NDUFB9: variants seen among roughly 807,000 people sequenced by gnomAD.
The protein encoded by NDUFB9 is NADH dehydrogenase [ubiquinone] 1 beta subcomplex subunit 9.
In NDUFB9, 24 loss-of-function variants were observed where a neutral mutation model predicts 30.2. The ratio of observed to expected loss-of-function variants is 0.80; its 90% confidence interval spans 0.58 to 1.12. The LOEUF is 1.12. Ranked by LOEUF, NDUFB9 falls within the 50% of genes most tolerant of loss-of-function variation. NDUFB9 has a pLI of 0.00. For synonymous variants in NDUFB9, 80 were observed against 84.0 expected, an observed-to-expected ratio of 0.95 and a Z score of 0.26; for missense variants, 204 against 226.0, an observed-to-expected ratio of 0.90 and a Z score of 0.62.
chr8:124,541,759 A>T (rs1822000414), intron 1 of NDUFB9, among the ~76,000 whole-genome samples: 2 of 151,934 alleles, frequency 1.3e-5, no homozygotes, highest in Non-Finnish European at 1.5e-5. Flanking sequence ...ATGCGCCACC[A>T]CGCCTGGCTA....
chr8:124,543,185 C>G lies in NDUFB9; in HGVS notation c.200C>G (p.Ala67Gly), dbSNP rs200765174. 2 of 1,614,174 alleles carry G rather than the reference C, an allele frequency of 1.2e-6. No individual in the cohort carries two copies. Among genetic ancestry groups the G allele is most frequent in the African/African-American group, 1.3e-5 (1 of 75,038 alleles). Residue 67 changes from alanine to glycine, a missense_variant, in exon 2 of 4, where the codon GCC (alanine) becomes GGC (glycine). Transcript: ENST00000276689. ...AAGGCCACCCAGCTGCTGAAGGAGG[C>G]CGAGGAAGAATTCTGGTACCGTCAG... The part of the protein sequence containing the change: ...MAKATQLLKE[A>G]EEEFWYRQHP...
chr8:124,542,807 C>CTTTTTTTT (rs58685573), intron 1 of NDUFB9: 6 of 204,134 alleles, frequency 2.9e-5, no homozygotes, highest in Admixed American at 6.8e-5. Context: ...ATGCTCTTTT[C>CTTTTTTTT]TTTTTTTTTT....
intron 3 of NDUFB9, chr8:124,547,455 T>C (rs1035498886): frequency 1.7e-6 from 1 of 586,118 alleles, no homozygotes; most frequent in African/African-American, 1.9e-5. Flanking sequence ...TGGTCAGTTA[T>C]ATTTTTAAAA....
At chr8:124,547,505 G>A in intron 3 of NDUFB9, 1 of 511,548 alleles carries the variant, frequency 2.0e-6, no homozygotes, top group Non-Finnish European at 3.5e-6. Flanking sequence ...ATTGGAGAGG[G>A]GAAGAGGAGA....
chr8:124,546,651 A>G (rs997739117), intron 2 of NDUFB9: 2 of 323,398 alleles, frequency 6.2e-6, no homozygotes, highest in Non-Finnish European at 1.2e-5. Flanking sequence ...AAAGTTAACC[A>G]ACTTGGATTG....
rs1822174976 is a variant in NDUFB9, at chr8:124,546,926, TCTC to T, written c.295-71_295-69del. 9.2e-6 allele frequency: 9 copies of T among 977,798 alleles called. 1 individual carries two copies. The South Asian group carries it at 1.2e-4, about 13-fold the overall frequency. The allele number at this position is 977,798 out of a possible 1,614,324, so 60.6% of individuals were successfully genotyped here. On this transcript the variant is annotated intron_variant, in intron 2 of 3. Transcript: ENST00000276689. ...AATATATCTTGATCTTTGTCTTACA[TCTC>T]CTGAGCAGGCCCTGTCAGGGATAGG...
At position 124,539,220 on chromosome 8, in the gene NDUFB9, C is replaced by T. The variant is rs1181119187; in HGVS notation, c.34C>T (p.His12Tyr). 1 of 1,614,224 alleles carries T rather than the reference C, an allele frequency of 6.2e-7. No individual in the cohort carries two copies. Among genetic ancestry groups the T allele is most frequent in the Admixed American group, 1.7e-5 (1 of 60,034 alleles). ...AFLASGPYLT[H>Y]QQKVLRLYKR... Reference sequence around the variant, plus strand: ...CTTGGCGTCGGGACCCTACCTGACCCATCAGCAAAAGGTGTTGCGGCTTTA... The same window carrying T: ...CTTGGCGTCGGGACCCTACCTGACCTATCAGCAAAAGGTGTTGCGGCTTTA... The change falls in exon 1 of 4, where the codon CAT (histidine) becomes TAT (tyrosine). Residue 12 changes from histidine to tyrosine, a missense_variant. His to Tyr is a moderately conservative substitution (Grantham distance 83). Transcript: ENST00000276689.
chr8:124,546,776 G>C (rs967195345), intron 2 of NDUFB9: 8 of 592,826 alleles, frequency 1.3e-5, no homozygotes, highest in South Asian at 4.0e-5. Flanking sequence ...TTGGACTGAT[G>C]ATGGTGCTAT....
rs1444524278 is a variant in NDUFB9 at position 124,547,108 on chromosome 8, C to T, written c.403C>T (p.Arg135Ter). The T allele has an allele frequency of 2.3e-5, 37 of 1,609,986 alleles. No individual in the cohort carries two copies. The highest frequency in any genetic ancestry group is 3.0e-5 in the Non-Finnish European group (35 of 1,176,588). Residue 135 changes from arginine to a stop codon, truncating the protein, a stop_gained, in exon 3 of 4, where the codon CGA becomes TGA. Transcript: ENST00000276689. LOFTEE classifies it high-confidence loss of function. ...WKKLRRESWEREVKQLQEETP... is the reference protein window; with the variant it reads ...WKKLRRESWE ...GAAACTGCGGAGGGAAAGCTGGGAA[C>T]GAGAGGTGCGTTCTACTTGTACTTC...
Position 124,539,130 on chromosome 8 carries a change from C to G in NDUFB9, c.-57C>G, listed in dbSNP as rs1015371143. 6.2e-7 allele frequency: 1 copy of G among 1,612,764 alleles called. No homozygotes were observed. The highest frequency in any genetic ancestry group is 8.5e-7 in the Non-Finnish European group (1 of 1,178,948). ...TTCCGGCTGGCCCCGCTCAGTCACCCGCAGCAGGCGTGCAGTTTCCCGGCT... is the reference window on the plus strand; with the variant it reads ...TTCCGGCTGGCCCCGCTCAGTCACCGGCAGCAGGCGTGCAGTTTCCCGGCT... On this transcript the variant is annotated 5_prime_UTR_variant, in exon 1 of 4. Coordinates refer to ENST00000276689, the MANE Select transcript of NDUFB9 (RefSeq NM_005005.3).
intron 1 of NDUFB9, among the ~76,000 whole-genome samples, chr8:124,540,355 A>G (rs1014991117): frequency 2.6e-5 from 4 of 152,216 alleles, no homozygotes; most frequent in Non-Finnish European, 5.9e-5. Flanking sequence ...ATTTTTGAGC[A>G]GCAGCAGCTC....
Position 124,539,158 on chromosome 8 carries a change from C to A in NDUFB9, c.-29C>A, listed in dbSNP as rs939951951. ...AGCAGGCGTGCAGTTTCCCGGCTCT[C>A]CGCGCGGCCGGGGAAGGTCAGCGCC... On this transcript the variant is annotated 5_prime_UTR_variant, in exon 1 of 4. Transcript: ENST00000276689. 1 of 1,613,450 alleles carries A rather than the reference C, an allele frequency of 6.2e-7. No homozygotes were observed. Among genetic ancestry groups the A allele is most frequent in the Admixed American group, 1.7e-5 (1 of 60,010 alleles).
intron 1 of NDUFB9, among the ~76,000 whole-genome samples, chr8:124,540,037 G>A (rs2131599780): frequency 6.6e-6 from 1 of 152,224 alleles, no homozygotes; most frequent in Middle Eastern, 3.4e-3. Context: ...TGAGTGCCTC[G>A]CCTCCACTCC....
intron 2 of NDUFB9, among the ~76,000 whole-genome samples, chr8:124,546,245 G>GA (rs1242744822): frequency 6.6e-6 from 1 of 152,138 alleles, no homozygotes; most frequent in African/African-American, 2.4e-5. Flanking sequence ...TTCAAAATGG[G>GA]AATCAATCCT....
intron 2 of NDUFB9, among the ~76,000 whole-genome samples, chr8:124,543,575 T>TG (rs1822079593): frequency 1.3e-5 from 2 of 152,210 alleles, no homozygotes; most frequent in South Asian, 4.1e-4. Context: ...TGGCAATTCT[T>TG]GCAATATTTC....
At chr8:124,547,864 A>C (rs1171269488) in intron 3 of NDUFB9, among the ~76,000 whole-genome samples, 1 of 152,060 alleles carries the variant, frequency 6.6e-6, no homozygotes, top group East Asian at 1.9e-4. Context: ...TGCACCTGTA[A>C]TCCCAGCTAC....
At chr8:124,546,251 A>G (rs1048475311) in intron 2 of NDUFB9, among the ~76,000 whole-genome samples, 8 of 152,200 alleles carry the variant, frequency 5.3e-5, no homozygotes, top group Non-Finnish European at 2.9e-5. Flanking sequence ...ATGGGAATCA[A>G]TCCTCTCAAA....
At chr8:124,542,061 G>A (rs1311956680) in intron 1 of NDUFB9, among the ~76,000 whole-genome samples, 1 of 151,296 alleles carries the variant, frequency 6.6e-6, no homozygotes, top group Non-Finnish European at 1.5e-5. Context: ...GATTACAGGT[G>A]CCTGCCACCA....
intron 3 of NDUFB9, 32 bp downstream of exon 3, chr8:124,547,145 G>C (rs751718965): frequency 7.8e-6 from 12 of 1,543,148 alleles, no homozygotes; most frequent in African/African-American, 1.4e-5. Flanking sequence ...TTATTCCTTA[G>C]CTATGTAGAT....
Sources: allele counts gnomAD v4.1 joint callset (sites outside exome capture counted in the v4.1 genomes callset), GRCh38; gene constraint gnomAD v4.1.1; transcripts MANE v1.5; gene names NCBI Gene and HGNC (gene_info 2026-07-23, HGNC 2026-07-21).